Variants in NEO1 observed in about 807,000 individuals in gnomAD.
NEO1 encodes the protein neogenin.
Under a neutral mutation model 159.7 loss-of-function variants are expected in NEO1, and 63 were observed. That is an observed-to-expected ratio of 0.39 (90% CI 0.32 to 0.49). The LOEUF (loss-of-function observed/expected upper bound fraction) is 0.49. NEO1 is among the 20% of genes least tolerant of loss of function. The probability of loss-of-function intolerance (pLI) is 0.85; values close to 1 mark genes in which losing one functional copy is unlikely to be tolerated. For missense variants in NEO1, 1,615 were observed against 1,831.0 expected, an observed-to-expected ratio of 0.88 and a Z score of 2.15; for synonymous variants, 633 against 662.0, an observed-to-expected ratio of 0.96 and a Z score of 0.67.
chr15:73,073,794 A>C (rs533088284), intron 1 of NEO1, among the ~76,000 whole-genome samples: 6 of 152,288 alleles, frequency 3.9e-5, no homozygotes, highest in African/African-American at 1.4e-4. Context: ...CAGAACTAAT[A>C]TGAGAATGTA....
At chr15:73,207,538 C>A (rs899699321) in intron 7 of NEO1, among the ~76,000 whole-genome samples, 1 of 152,170 alleles carries the variant, frequency 6.6e-6, no homozygotes, top group Admixed American at 6.6e-5. Flanking sequence ...GGGCAATATT[C>A]CAGCAGAAAG....
chr15:73,057,997 T>C (rs1197550658), intron 1 of NEO1, among the ~76,000 whole-genome samples: 1 of 152,210 alleles, frequency 6.6e-6, no homozygotes, highest in Non-Finnish European at 1.5e-5. Context: ...TTTTAATATC[T>C]TCCCTTGCAT....
At chr15:73,147,021 A>T (rs1482051224) in intron 5 of NEO1, among the ~76,000 whole-genome samples, 1 of 152,196 alleles carries the variant, frequency 6.6e-6, no homozygotes, top group Non-Finnish European at 1.5e-5. Context: ...TCACAGAAGG[A>T]ATGTGGTCTC....
rs2067515397 is a variant in NEO1, at chr15:73,052,779, G to A, written c.104G>A (p.Arg35Lys). The A allele has an allele frequency of 1.7e-6, 2 of 1,188,924 alleles. No individual in the cohort carries two copies. Among genetic ancestry groups the A allele is most frequent in the African/African-American group, 3.3e-5 (2 of 60,528 alleles). 73.6% of individuals were successfully genotyped at this position (1,188,924 alleles called of 1,614,324 possible). ...GRRAPGAAAA[R>K]SGSAPQSPGA... ...CGGGCGCCGGGCGCCGCGGCCGCCA[G>A]GAGCGGCTCCGCGCCGCAGTCCCCA... The change falls in exon 1 of 29, where the codon AGG becomes AAG. Residue 35 changes from arginine to lysine, a missense_variant. Transcript: ENST00000261908.
At chr15:73,073,550 G>A (rs554092694) in intron 1 of NEO1, among the ~76,000 whole-genome samples, 125 of 152,260 alleles carry the variant, frequency 8.2e-4, no homozygotes, top group African/African-American at 2.9e-3. Flanking sequence ...AACTGACAGT[G>A]TAAGTTTCCT....
intron 4 of NEO1, among the ~76,000 whole-genome samples, chr15:73,132,042 C>G (rs1257675815): frequency 1.3e-5 from 2 of 152,200 alleles, no homozygotes; most frequent in Non-Finnish European, 2.9e-5. Flanking sequence ...CTGGCAGGTT[C>G]TTTTGCTATA....
At chr15:73,091,824 G>T (rs1371024443) in intron 1 of NEO1, among the ~76,000 whole-genome samples, 1 of 149,778 alleles carries the variant, frequency 6.7e-6, no homozygotes, top group Non-Finnish European at 1.5e-5. Context: ...TAGAGGTCTC[G>T]CTATGTTGCC....
At chr15:73,173,897 C>G (rs1024024800) in intron 5 of NEO1, among the ~76,000 whole-genome samples, 1 of 151,764 alleles carries the variant, frequency 6.6e-6, no homozygotes, top group Non-Finnish European at 1.5e-5. Flanking sequence ...GTCAGGAGTT[C>G]GAGACCAGCC....
intron 7 of NEO1, among the ~76,000 whole-genome samples, chr15:73,182,573 A>G (rs1346249306): frequency 6.6e-6 from 1 of 152,154 alleles, no homozygotes; most frequent in Non-Finnish European, 1.5e-5. Context: ...TCACAGTTCC[A>G]CATGGCTGGG....
At chr15:73,287,969 A>G (rs1361660173) in intron 23 of NEO1, among the ~76,000 whole-genome samples, 2 of 152,142 alleles carry the variant, frequency 1.3e-5, no homozygotes, top group Non-Finnish European at 2.9e-5. Flanking sequence ...ACATTGCTCT[A>G]ATTAGAAACT....
chr15:73,115,273 C>A (rs1768351523), intron 1 of NEO1, among the ~76,000 whole-genome samples: 1 of 152,174 alleles, frequency 6.6e-6, no homozygotes, highest in African/African-American at 2.4e-5. Context: ...GAACTGCTGA[C>A]CTCATGATCC....
intron 7 of NEO1, among the ~76,000 whole-genome samples, chr15:73,234,853 A>G (rs1035777216): frequency 1.3e-5 from 2 of 152,204 alleles, no homozygotes; most frequent in Non-Finnish European, 2.9e-5. Context: ...ACTGAAAACC[A>G]AAGTTGATTT....
At chr15:73,151,719 CCTCCCACAGGGTCT>C (rs1567322966) in intron 5 of NEO1, among the ~76,000 whole-genome samples, 1 of 152,168 alleles carries the variant, frequency 6.6e-6, no homozygotes, top group East Asian at 1.9e-4. Context: ...GATTCAGTTA[CCTCCCACAGGGTCT>C]CTCCCACAAC....
chr15:73,299,501 T>G (rs2042521806), intron 27 of NEO1, among the ~76,000 whole-genome samples: 1 of 152,102 alleles, frequency 6.6e-6, no homozygotes. Context: ...TTCTCCTGCC[T>G]TAGCCTCCCA....
At chr15:73,190,618 G>T (rs992132411) in intron 7 of NEO1, among the ~76,000 whole-genome samples, 1 of 152,144 alleles carries the variant, frequency 6.6e-6, no homozygotes, top group Non-Finnish European at 1.5e-5. Flanking sequence ...GCAGGAAATT[G>T]TTACTCATTA....
chr15:73,209,585 A>G (rs1167478776), intron 7 of NEO1, among the ~76,000 whole-genome samples: 20 of 152,230 alleles, frequency 1.3e-4, no homozygotes, highest in Admixed American at 1.3e-3. Context: ...TCCGTAGAGA[A>G]ATTTTGAGGA....
At chr15:73,172,158 G>A (rs1276288679) in intron 5 of NEO1, among the ~76,000 whole-genome samples, 6 of 152,110 alleles carry the variant, frequency 3.9e-5, no homozygotes, top group Non-Finnish European at 8.8e-5. Context: ...TTGAATCAAC[G>A]TAATAGGTAC....
intron 1 of NEO1, among the ~76,000 whole-genome samples, chr15:73,114,621 C>T (rs116767891): frequency 8.2e-4 from 125 of 151,998 alleles, no homozygotes; most frequent in African/African-American, 2.7e-3. Context: ...TGTTAAACTG[C>T]GAAACATTTA....
chr15:73,217,494 G>C (rs2037965179), intron 7 of NEO1, among the ~76,000 whole-genome samples: 1 of 151,496 alleles, frequency 6.6e-6, no homozygotes. Flanking sequence ...GATGGGGATG[G>C]CATTGAATCT....
Sources: gnomAD v4.1 joint callset for allele counts (sites outside exome capture counted in the v4.1 genomes callset) on GRCh38, gnomAD v4.1.1 for gene constraint, MANE v1.5 for transcripts, NCBI Gene and HGNC (gene_info 2026-07-23, HGNC 2026-07-21) for gene names.